OLFM3: variants seen among roughly 807,000 people sequenced by gnomAD.
OLFM3 encodes the protein olfactomedin 3.
Under a neutral mutation model 48.6 loss-of-function variants are expected in OLFM3, and 20 were observed. That is an observed-to-expected ratio of 0.41 (90% CI 0.29 to 0.60). The LOEUF is 0.60. Among genes scored for constraint, OLFM3 ranks in the 20% least tolerant of loss-of-function variants. OLFM3 has a pLI of 0.28. For synonymous variants in OLFM3, 222 were observed against 198.1 expected (o/e 1.12, Z -1.01); for missense variants, 437 against 544.3 (o/e 0.80, Z 1.96).
intron 1 of OLFM3, among the ~76,000 whole-genome samples, chr1:101,979,354 T>C (rs1412036719): frequency 1.3e-5 from 2 of 152,090 alleles, no homozygotes; most frequent in Non-Finnish European, 2.9e-5. Flanking sequence ...TCACCTCGAA[T>C]TGTAATTCCT....
chr1:101,958,006 T>C (rs1206353627), intron 1 of OLFM3, among the ~76,000 whole-genome samples: 3 of 152,086 alleles, frequency 2.0e-5, no homozygotes, highest in Non-Finnish European at 4.4e-5. Context: ...ATGATTTATG[T>C]GGCTAAATGA....
At chr1:101,918,288 T>C (rs1270919452) in intron 1 of OLFM3, among the ~76,000 whole-genome samples, 1 of 152,144 alleles carries the variant, frequency 6.6e-6, no homozygotes, top group East Asian at 1.9e-4. Context: ...CTGTAACAAA[T>C]TACCACAAAT....
chr1:101,940,342 ATT>A (rs34137812), intron 1 of OLFM3, among the ~76,000 whole-genome samples: 20 of 135,262 alleles, frequency 1.5e-4, no homozygotes, highest in Admixed American at 1.5e-4. Flanking sequence ...GTTTTGGAAC[ATT>A]TTTTTTTTTT....
intron 1 of OLFM3, among the ~76,000 whole-genome samples, chr1:101,872,535 A>G (rs1657121746): frequency 6.6e-6 from 1 of 152,044 alleles, no homozygotes; most frequent in African/African-American, 2.4e-5. Flanking sequence ...TAAAAATTAT[A>G]GCTTACTTTT....
intron 1 of OLFM3, among the ~76,000 whole-genome samples, chr1:101,884,219 A>T (rs1657652760): frequency 1.3e-5 from 2 of 151,954 alleles, no homozygotes; most frequent in South Asian, 4.1e-4. Flanking sequence ...TATGTTTTAT[A>T]AAAAAGAAAA....
At chr1:101,847,594 T>C (rs1180919344) in intron 1 of OLFM3, among the ~76,000 whole-genome samples, 2 of 152,182 alleles carry the variant, frequency 1.3e-5, no homozygotes, top group African/African-American at 4.8e-5. Flanking sequence ...CAAAGATTAA[T>C]AGCTACTGCT....
At position 101,869,253 on chromosome 1, in the gene OLFM3, T is replaced by C. The variant is rs183328254; in HGVS notation, c.70-32228A>G. Among the ~76,000 whole-genome samples the C allele has an allele frequency of 2.8e-3, 424 of 152,294 alleles. 1 individual carries two copies. The highest frequency in any genetic ancestry group is 9.7e-3 in the African/African-American group (404 of 41,560). On this transcript the variant is annotated intron_variant, in intron 1 of 5. Coordinates refer to ENST00000370103, the MANE Select transcript of OLFM3 (RefSeq NM_058170.4). Reference sequence around the variant, plus strand: ...AACAGGCTGAAGTGGGGCTGTACCCTGCAAAGCCACAAGAGCAGAGCTACC... The same window carrying C: ...AACAGGCTGAAGTGGGGCTGTACCCCGCAAAGCCACAAGAGCAGAGCTACC...
chr1:101,915,696 G>A (rs376855164), intron 1 of OLFM3, among the ~76,000 whole-genome samples: 45 of 152,098 alleles, frequency 3.0e-4, no homozygotes, highest in Non-Finnish European at 5.4e-4. Flanking sequence ...ACGTCCTATC[G>A]CTGGAAACCA....
intron 1 of OLFM3, among the ~76,000 whole-genome samples, chr1:101,928,104 C>G (rs1659330226): frequency 1.3e-5 from 2 of 151,986 alleles, no homozygotes; most frequent in African/African-American, 4.8e-5. Flanking sequence ...ATGAATGAAT[C>G]AAAACATTAA....
At chr1:101,901,164 TTTCTAAGAAGTTTACA>T (rs1239204879) in intron 1 of OLFM3, among the ~76,000 whole-genome samples, 24 of 152,232 alleles carry the variant, frequency 1.6e-4, no homozygotes, top group East Asian at 3.9e-4. Flanking sequence ...CCCTGCTGGT[TTTCTAAGAAGTTTACA>T]TTCTAAGAAG....
intron 1 of OLFM3, among the ~76,000 whole-genome samples, chr1:101,863,148 T>A (rs1376072898): frequency 6.6e-6 from 1 of 152,146 alleles, no homozygotes; most frequent in Non-Finnish European, 1.5e-5. Flanking sequence ...TTTTAGTAGA[T>A]ACAGGGTTTC....
chr1:101,941,700 A>G (rs1419617360), intron 1 of OLFM3, among the ~76,000 whole-genome samples: 3 of 152,192 alleles, frequency 2.0e-5, no homozygotes, highest in African/African-American at 7.2e-5. Context: ...GAGGTTGCTT[A>G]CATTTTAACT....
chr1:101,983,310 T>C (rs966698560), intron 1 of OLFM3, among the ~76,000 whole-genome samples: 1 of 152,214 alleles, frequency 6.6e-6, no homozygotes, highest in Admixed American at 6.5e-5. Flanking sequence ...CTAGTTAACC[T>C]TTCTTTAAGG....
chr1:101,964,921 G>C (rs1219582779), intron 1 of OLFM3, among the ~76,000 whole-genome samples: 1 of 152,202 alleles, frequency 6.6e-6, no homozygotes, highest in Non-Finnish European at 1.5e-5. Flanking sequence ...ATTTATTTGA[G>C]GGTATGTCCT....
chr1:101,838,562 A>G (rs1295409493), intron 1 of OLFM3, among the ~76,000 whole-genome samples: 1 of 152,232 alleles, frequency 6.6e-6, no homozygotes, highest in Admixed American at 6.5e-5. Flanking sequence ...TCTGTAAACT[A>G]GAAGTGTCTG....
At chr1:101,949,630 A>G (rs12134509) in intron 1 of OLFM3, among the ~76,000 whole-genome samples, 79,273 of 151,814 alleles carry the variant, frequency 0.52, 21,102 homozygotes, top group Middle Eastern at 0.62. Context: ...CCATTCCTCT[A>G]TTAAAAAGCC....
chr1:101,988,200 C>T (rs1402591965), intron 1 of OLFM3, among the ~76,000 whole-genome samples: 1 of 151,970 alleles, frequency 6.6e-6, no homozygotes, highest in East Asian at 1.9e-4. Context: ...TCAAATAAAG[C>T]TAAGACATTA....
At chr1:101,944,132 A>G (rs1459788666) in intron 1 of OLFM3, among the ~76,000 whole-genome samples, 1 of 151,622 alleles carries the variant, frequency 6.6e-6, no homozygotes, top group African/African-American at 2.4e-5. Context: ...TGATGGACCA[A>G]TGATGTTAAA....
At chr1:101,896,488 C>CTTTTTTTTTTTTTT (rs35260761) in intron 1 of OLFM3, among the ~76,000 whole-genome samples, 2 of 76,688 alleles carry the variant, frequency 2.6e-5, no homozygotes, top group Non-Finnish European at 4.6e-5. Context: ...TGCTTACACA[C>CTTTTTTTTTTTTTT]TTTTTTTTTT....
Sources: allele counts gnomAD v4.1 joint callset (sites outside exome capture counted in the v4.1 genomes callset), GRCh38; gene constraint gnomAD v4.1.1; transcripts MANE v1.5; gene names NCBI Gene and HGNC (gene_info 2026-07-23, HGNC 2026-07-21).